GALNTL6: variants seen among roughly 807,000 people sequenced by gnomAD.
The protein encoded by GALNTL6 is polypeptide N-acetylgalactosaminyltransferase like 6.
In GALNTL6, 46 loss-of-function variants were observed where a neutral mutation model predicts 73.7. That is an observed-to-expected ratio of 0.62 (90% CI 0.49 to 0.80). The LOEUF (loss-of-function observed/expected upper bound fraction) is 0.80, where lower values mean the gene tolerates loss of function less well. Among genes scored for constraint, GALNTL6 ranks in the 30% least tolerant of loss-of-function variants. The pLI is 0.00. For missense variants in GALNTL6, 604 were observed against 755.0 expected (o/e 0.80, Z 2.34); for synonymous variants, 259 against 263.7 (o/e 0.98, Z 0.17).
At chr4:172,768,812 A>G (rs1428210307) in intron 5 of GALNTL6, among the ~76,000 whole-genome samples, 1 of 152,128 alleles carries the variant, frequency 6.6e-6, no homozygotes, top group Non-Finnish European at 1.5e-5. Flanking sequence ...TTAGGGTCTT[A>G]TCAGCTGTTT....
At chr4:172,280,026 GTAGT>G (rs1407813973) in intron 3 of GALNTL6, among the ~76,000 whole-genome samples, 2 of 152,130 alleles carry the variant, frequency 1.3e-5, no homozygotes, top group Admixed American at 6.5e-5. Flanking sequence ...CATATCTGGA[GTAGT>G]TAAATTCACA....
chr4:171,915,633 A>G (rs1363050582), intron 2 of GALNTL6, among the ~76,000 whole-genome samples: 1 of 152,222 alleles, frequency 6.6e-6, no homozygotes, highest in African/African-American at 2.4e-5. Flanking sequence ...CTGCATGTGT[A>G]CCACAAGAAT....
chr4:172,292,644 C>T (rs945208969), intron 3 of GALNTL6, among the ~76,000 whole-genome samples: 5 of 151,648 alleles, frequency 3.3e-5, no homozygotes, highest in African/African-American at 7.3e-5. Flanking sequence ...TATTAGATAC[C>T]GAAAGGAATG....
chr4:172,877,345 TA>T (rs1198527367), intron 7 of GALNTL6, among the ~76,000 whole-genome samples: 1 of 151,984 alleles, frequency 6.6e-6, no homozygotes, highest in Non-Finnish European at 1.5e-5. Flanking sequence ...AAAGAGTCAA[TA>T]TGTGAAATAG....
intron 10 of GALNTL6, among the ~76,000 whole-genome samples, chr4:172,962,398 A>T (rs1367071746): frequency 1.3e-5 from 2 of 152,162 alleles, no homozygotes; most frequent in African/African-American, 4.8e-5. Flanking sequence ...CTTTATTCAG[A>T]TTTCACTAGT....
At chr4:172,467,921 A>G (rs1732894477) in intron 5 of GALNTL6, among the ~76,000 whole-genome samples, 1 of 114,240 alleles carries the variant, frequency 8.8e-6, no homozygotes, top group Admixed American at 1.2e-4. Flanking sequence ...TTGAGGCAGG[A>G]TCTTGCTCTG....
intron 7 of GALNTL6, among the ~76,000 whole-genome samples, chr4:172,840,910 T>A (rs1035142883): frequency 1.3e-5 from 2 of 152,120 alleles, no homozygotes; most frequent in Non-Finnish European, 2.9e-5. Flanking sequence ...TCAATCCACA[T>A]CCAAAGATTG....
At chr4:172,960,557 A>G (rs1225559354) in intron 10 of GALNTL6, among the ~76,000 whole-genome samples, 2 of 152,162 alleles carry the variant, frequency 1.3e-5, no homozygotes, top group African/African-American at 4.8e-5. Context: ...TTGAGGGGAC[A>G]GGCAGGAGGG....
chr4:172,717,304 A>T (rs2043780), intron 5 of GALNTL6, among the ~76,000 whole-genome samples: 1 of 152,112 alleles, frequency 6.6e-6, no homozygotes, highest in Admixed American at 6.5e-5. Context: ...AACACATTCT[A>T]TGTAATCATT....
chr4:172,363,679 C>T (rs774588993), intron 5 of GALNTL6, among the ~76,000 whole-genome samples: 66 of 152,076 alleles, frequency 4.3e-4, no homozygotes, highest in Admixed American at 1.2e-3. Flanking sequence ...AGGGAAGTAC[C>T]TGGGTCATAG....
intron 2 of GALNTL6, among the ~76,000 whole-genome samples, chr4:172,195,508 A>T (rs1735733802): frequency 1.3e-5 from 2 of 152,214 alleles, no homozygotes; most frequent in South Asian, 4.1e-4. Context: ...CTTGGCATTT[A>T]TTCTAAAATT....
At chr4:172,971,958 T>G (rs1200728004) in intron 10 of GALNTL6, among the ~76,000 whole-genome samples, 2 of 151,856 alleles carry the variant, frequency 1.3e-5, no homozygotes, top group East Asian at 3.9e-4. Context: ...GTCAAAATGA[T>G]AAAGAAACAT....
intron 2 of GALNTL6, among the ~76,000 whole-genome samples, chr4:172,121,169 ATTATAC>A (rs1733138885): frequency 6.6e-6 from 1 of 151,930 alleles, no homozygotes; most frequent in Non-Finnish European, 1.5e-5. Context: ...TTTTGAGATA[ATTATAC>A]TTGGCGACAA....
At chr4:172,997,070 T>G (rs187064530) in intron 10 of GALNTL6, among the ~76,000 whole-genome samples, 3 of 152,278 alleles carry the variant, frequency 2.0e-5, no homozygotes, top group Non-Finnish European at 2.9e-5. Flanking sequence ...GTGATTTTCT[T>G]TCTAACTCCA....
chr4:172,365,530 A>C (rs1187965154), intron 5 of GALNTL6, among the ~76,000 whole-genome samples: 2 of 152,154 alleles, frequency 1.3e-5, no homozygotes, highest in East Asian at 3.9e-4. Context: ...TATTTGCTAA[A>C]GAAATTAATA....
rs76697499 is a variant in GALNTL6 at position 172,442,882 on chromosome 4, T to C, written c.553+94193T>C. Reference sequence around the variant, plus strand: ...TGAGAGAAAAAAATACCAATAACATTAAAGCAAATAGAGATGATATCACAA... The same window carrying C: ...TGAGAGAAAAAAATACCAATAACATCAAAGCAAATAGAGATGATATCACAA... On this transcript the variant is annotated intron_variant, in intron 5 of 12. Transcript: ENST00000506823. 4.9e-3 allele frequency among the ~76,000 whole-genome samples: 741 copies of C among 151,980 alleles called. 6 individuals carry two copies. Among genetic ancestry groups the C allele is most frequent in the African/African-American group, 0.016 (672 of 41,504 alleles).
intron 5 of GALNTL6, among the ~76,000 whole-genome samples, chr4:172,665,205 T>C (rs999448201): frequency 6.6e-6 from 1 of 152,156 alleles, no homozygotes; most frequent in African/African-American, 2.4e-5. Context: ...AACACCTCCA[T>C]TTCTTGGTAC....
chr4:172,825,203 T>C (rs951166975), intron 7 of GALNTL6, among the ~76,000 whole-genome samples: 2 of 151,804 alleles, frequency 1.3e-5, no homozygotes, highest in African/African-American at 4.8e-5. Flanking sequence ...GAGAAAGAAA[T>C]GTCTGTTTTT....
At chr4:172,806,172 A>C (rs918861438) in intron 5 of GALNTL6, among the ~76,000 whole-genome samples, 3 of 152,226 alleles carry the variant, frequency 2.0e-5, no homozygotes, top group Non-Finnish European at 4.4e-5. Flanking sequence ...AACTACTAAG[A>C]GAGAAAGGAC....
Sources: gnomAD v4.1 joint callset for allele counts (sites outside exome capture counted in the v4.1 genomes callset) on GRCh38, gnomAD v4.1.1 for gene constraint, MANE v1.5 for transcripts, NCBI Gene and HGNC (gene_info 2026-07-23, HGNC 2026-07-21) for gene names.